OPA1: variants seen among roughly 807,000 people sequenced by gnomAD.
OPA1 encodes the protein OPA1 mitochondrial dynamin like GTPase, also known as dynamin-like GTPase OPA1, mitochondrial.
A neutral mutation model predicts 152.9 loss-of-function variants in OPA1; 59 were observed. The ratio of observed to expected loss-of-function variants is 0.39; its 90% CI spans 0.31 to 0.48. OPA1 has a LOEUF of 0.48. Ranked by LOEUF, OPA1 falls within the 20% of genes least tolerant of loss-of-function variation. The pLI, the probability that OPA1 is intolerant of heterozygous loss-of-function variation, is 0.96. For missense variants in OPA1, 1,008 were observed against 1,216.8 expected, an observed-to-expected ratio of 0.83 and a Z score of 2.55; for synonymous variants, 400 against 389.9, an observed-to-expected ratio of 1.03 and a Z score of -0.31.
intron 29 of OPA1, among the ~76,000 whole-genome samples, chr3:193,691,167 G>A (rs1577409260): frequency 6.6e-6 from 1 of 152,206 alleles, no homozygotes; most frequent in African/African-American, 2.4e-5. Flanking sequence ...GCTGCAGTAA[G>A]CCCTGCCAAC....
intron 11 of OPA1, among the ~76,000 whole-genome samples, chr3:193,639,179 C>A (rs1733386303): frequency 6.6e-6 from 1 of 152,074 alleles, no homozygotes; most frequent in Non-Finnish European, 1.5e-5. Context: ...TTACGGAATG[C>A]TTAATATGTA....
At chr3:193,613,822 C>T in intron 1 of OPA1, 1 of 461,334 alleles carries the variant, frequency 2.2e-6, no homozygotes, top group Admixed American at 2.3e-5. Flanking sequence ...AGGTGATTCA[C>T]CCACCTCAGC....
chr3:193,625,795 G>T (rs1170584982), intron 6 of OPA1, among the ~76,000 whole-genome samples: 1 of 151,038 alleles, frequency 6.6e-6, no homozygotes, highest in Non-Finnish European at 1.5e-5. Context: ...AAAAAAATCA[G>T]TATTTTTTCT....
intron 11 of OPA1, among the ~76,000 whole-genome samples, chr3:193,639,288 A>T (rs1733403912): frequency 6.6e-6 from 1 of 152,252 alleles, no homozygotes; most frequent in African/African-American, 2.4e-5. Flanking sequence ...CAGATAATAG[A>T]TAATAAATAT....
rs1553881703 is a variant in OPA1, at chr3:193,657,144, A to G, written c.2243A>G (p.His748Arg). ...ATGACAGAACCGAAAGGGAAAGAGC[A>G]TGATGACATATTTGATAAACTTAAA... The part of the protein sequence containing the change: ...RFMTEPKGKE[H>R]DDIFDKLKEA... The change falls in exon 23 of 31, where the codon CAT becomes CGT. Residue 748 changes from histidine (H) to arginine (R), a missense_variant. By Grantham distance (29) the His-to-Arg change is conservative. Around this residue, in one of 7 missense-constraint regions of OPA1, gnomAD observed 229 missense variants for 269.0 expected, o/e 0.85. Coordinates refer to ENST00000361510, the MANE Select transcript of OPA1 (RefSeq NM_130837.3). 1 of 1,613,980 alleles carries G rather than the reference A, an allele frequency of 6.2e-7. No homozygotes were observed. Among genetic ancestry groups the G allele is most frequent in the Non-Finnish European group, 8.5e-7 (1 of 1,179,874 alleles).
chr3:193,686,857 A>C (rs1000561052), intron 29 of OPA1, among the ~76,000 whole-genome samples: 2 of 152,110 alleles, frequency 1.3e-5, no homozygotes, highest in African/African-American at 4.8e-5. Flanking sequence ...ATTAAGGTAC[A>C]TTTGGATCTT....
At chr3:193,636,117 A>G (rs193254101) in intron 9 of OPA1, among the ~76,000 whole-genome samples, 171 of 152,284 alleles carry the variant, frequency 1.1e-3, no homozygotes, top group African/African-American at 3.8e-3. Flanking sequence ...TAAATCTCAT[A>G]TAAGTAAGCA....
chr3:193,677,998 A>G (rs1400144416), intron 29 of OPA1, among the ~76,000 whole-genome samples: 1 of 152,138 alleles, frequency 6.6e-6, no homozygotes, highest in Non-Finnish European at 1.5e-5. Context: ...AAATAAATCA[A>G]AATCTTTGTT....
At chr3:193,603,807 A>C (rs1428928296) in intron 1 of OPA1, among the ~76,000 whole-genome samples, 1 of 152,200 alleles carries the variant, frequency 6.6e-6, no homozygotes, top group Non-Finnish European at 1.5e-5. Flanking sequence ...CCATCAACAA[A>C]AAGTGTTAAT....
chr3:193,668,239 A>T, intron 29 of OPA1: 1 of 1,025,404 alleles, frequency 9.8e-7, no homozygotes, highest in Non-Finnish European at 1.4e-6. Context: ...TAGTATCCTT[A>T]ATATATTTTC....
chr3:193,685,797 A>G (rs985658971), intron 29 of OPA1, among the ~76,000 whole-genome samples: 3 of 152,260 alleles, frequency 2.0e-5, no homozygotes, highest in Admixed American at 6.5e-5. Flanking sequence ...GATGAAGTAT[A>G]TAATGAATTA....
At chr3:193,651,479 T>C (rs2109104589) in intron 21 of OPA1, among the ~76,000 whole-genome samples, 1 of 152,344 alleles carries the variant, frequency 6.6e-6, no homozygotes, top group African/African-American at 2.4e-5. Flanking sequence ...GTAATTACAT[T>C]GCTAGGAATA....
At chr3:193,611,932 T>G (rs1728314550) in intron 1 of OPA1, among the ~76,000 whole-genome samples, 1 of 152,168 alleles carries the variant, frequency 6.6e-6, no homozygotes, top group African/African-American at 2.4e-5. Flanking sequence ...TTTCAGCGAT[T>G]TTTCTAGCTA....
chr3:193,686,113 G>T (rs533079444), intron 29 of OPA1, among the ~76,000 whole-genome samples: 41 of 152,244 alleles, frequency 2.7e-4, no homozygotes, highest in African/African-American at 4.3e-4. Flanking sequence ...AGAAGATTTT[G>T]TCTACAACAG....
At chr3:193,668,405 C>G in intron 29 of OPA1, 1 of 1,551,264 alleles carries the variant, frequency 6.4e-7, no homozygotes, top group Admixed American at 2.0e-5. Context: ...TTTACCTTGT[C>G]TGGGCTCTGA....
intron 29 of OPA1, among the ~76,000 whole-genome samples, chr3:193,684,719 G>A (rs1286573463): frequency 6.6e-6 from 1 of 152,006 alleles, no homozygotes; most frequent in Non-Finnish European, 1.5e-5. Context: ...CCAAAGTGCT[G>A]GGATTACAGG....
At chr3:193,693,572 A>G (rs146457216) in intron 30 of OPA1, among the ~76,000 whole-genome samples, 220 of 152,280 alleles carry the variant, frequency 1.4e-3, no homozygotes, top group South Asian at 0.013. Context: ...CCTGGAAGGT[A>G]GTGGTTGCAG....
At chr3:193,659,112 A>G (rs1714612850) in intron 24 of OPA1, 117 bp downstream of exon 24, 5 of 770,832 alleles carry the variant, frequency 6.5e-6, no homozygotes, top group South Asian at 3.1e-5. Context: ...CATTAATACT[A>G]TAGTCGAATA....
In OPA1 at chr3:193,617,274, T is replaced by G; in HGVS notation, c.545T>G (p.Phe182Cys). 6.2e-7 allele frequency: 1 copy of G among 1,602,632 alleles called. No homozygotes were observed. The highest frequency in any genetic ancestry group is 1.1e-5 in the South Asian group (1 of 90,680). ...GAAAGCCTTAGCTTATTGAAGGACT[T>G]TTTTACCTCAGGTAAGGAAGAAGCT... ...IVESLSLLKD[F>C]FTSGHKLVSE... The change falls in exon 4 of 31, where the codon TTT becomes TGT. Residue 182 changes from phenylalanine to cysteine, a missense_variant. Transcript: ENST00000361510.
Sources: allele counts gnomAD v4.1 joint callset (sites outside exome capture counted in the v4.1 genomes callset), GRCh38; gene constraint gnomAD v4.1.1; regional missense constraint gnomAD v4.1.1; transcripts MANE v1.5; gene names NCBI Gene and HGNC (gene_info 2026-07-23, HGNC 2026-07-21).